RALGPS1: variants seen among roughly 807,000 people sequenced by gnomAD.
RALGPS1 encodes the protein Ral GEF with PH domain and SH3 binding motif 1.
RALGPS1 carries 19 observed loss-of-function variants against 78.8 expected under a neutral mutation model. The ratio of observed to expected loss-of-function variants is 0.24; its 90% confidence interval spans 0.17 to 0.35. RALGPS1 has a LOEUF of 0.35. Ranked by LOEUF, RALGPS1 falls within the 10% of genes least tolerant of loss-of-function variation. The pLI, the probability that RALGPS1 is intolerant of heterozygous loss-of-function variation, is 1.00. For synonymous variants in RALGPS1, 228 were observed against 256.3 expected, an observed-to-expected ratio of 0.89 and a Z score of 1.06; for missense variants, 454 against 688.3, an observed-to-expected ratio of 0.66 and a Z score of 3.81.
At chr9:127,022,415 C>T (rs1314553530) in intron 4 of RALGPS1, among the ~76,000 whole-genome samples, 1 of 152,066 alleles carries the variant, frequency 6.6e-6, no homozygotes, top group Non-Finnish European at 1.5e-5. Context: ...CTGCCGTGCT[C>T]TCCCTCATGG....
At chr9:126,969,970 G>T (rs2039946799) in intron 3 of RALGPS1, among the ~76,000 whole-genome samples, 1 of 152,182 alleles carries the variant, frequency 6.6e-6, no homozygotes, top group Admixed American at 6.5e-5. Context: ...AAGCACTGGA[G>T]TGCCTAGGTG....
intron 3 of RALGPS1, among the ~76,000 whole-genome samples, chr9:126,966,639 A>C (rs567289840): frequency 6.6e-6 from 1 of 151,956 alleles, no homozygotes; most frequent in African/African-American, 2.4e-5. Context: ...ATAGCCAAAC[A>C]TATTATTTAC....
At chr9:126,984,878 G>A (rs944666006) in intron 4 of RALGPS1, among the ~76,000 whole-genome samples, 2 of 152,250 alleles carry the variant, frequency 1.3e-5, no homozygotes, top group African/African-American at 2.4e-5. Context: ...TAATCTGGGT[G>A]AAGACTGCTT....
At chr9:127,047,717 A>G (rs1016457993) in intron 5 of RALGPS1, among the ~76,000 whole-genome samples, 6 of 151,652 alleles carry the variant, frequency 4.0e-5, no homozygotes, top group Admixed American at 2.6e-4. Context: ...AAAAAAAGGA[A>G]AAAAAGACTA....
chr9:126,967,203 C>T (rs11791212), intron 3 of RALGPS1, among the ~76,000 whole-genome samples: 57,426 of 151,892 alleles, frequency 0.38, 12,673 homozygotes, highest in Non-Finnish European at 0.48. Flanking sequence ...CATTTTAAAA[C>T]CTTCAAACTC....
chr9:127,216,192 T>C (rs1281045583), intron 18 of RALGPS1: 1 of 152,208 alleles, frequency 6.6e-6, no homozygotes, highest in African/African-American at 2.4e-5. Context: ...GTAACACAGA[T>C]GAGGACAAAT....
At chr9:126,974,332 G>A (rs2040403684) in intron 3 of RALGPS1, among the ~76,000 whole-genome samples, 1 of 152,160 alleles carries the variant, frequency 6.6e-6, no homozygotes, top group South Asian at 2.1e-4. Flanking sequence ...GTCAAAGCAG[G>A]AATAGATCTT....
At chr9:126,932,779 C>A (rs565455305) in intron 1 of RALGPS1, among the ~76,000 whole-genome samples, 1 of 151,726 alleles carries the variant, frequency 6.6e-6, no homozygotes, top group Non-Finnish European at 1.5e-5. Flanking sequence ...AACATTAGAA[C>A]ATATAATTAA....
At chr9:127,008,464 G>A (rs574787906) in intron 4 of RALGPS1, among the ~76,000 whole-genome samples, 1 of 145,220 alleles carries the variant, frequency 6.9e-6, no homozygotes, top group African/African-American at 2.4e-5. Flanking sequence ...TGGGGATTGG[G>A]ACCTCAGCAG....
In RALGPS1 at chr9:126,972,437, G is replaced by T. The variant is rs181665103; in HGVS notation, c.166-5258G>T. 4.8e-3 allele frequency among the ~76,000 whole-genome samples: 724 copies of T among 152,288 alleles called. 2 individuals carry two copies. The highest frequency in any genetic ancestry group is 8.0e-3 in the Non-Finnish European group (544 of 68,012). ...AATTATTCAGTTAAGAAAAGGAAAA[G>T]AAATGAAAGAATTGGAATATCATCA... On this transcript the variant is annotated intron_variant, in intron 3 of 18. Transcript: ENST00000259351.
At chr9:127,196,120 C>T (rs547382930) in intron 12 of RALGPS1, among the ~76,000 whole-genome samples, 62 of 152,366 alleles carry the variant, frequency 4.1e-4, no homozygotes, top group Admixed American at 3.9e-3. Context: ...GGTCTGGACC[C>T]GGTGCATGTG....
intron 1 of RALGPS1, among the ~76,000 whole-genome samples, chr9:126,954,591 A>G (rs2038171781): frequency 6.6e-6 from 1 of 152,192 alleles, no homozygotes; most frequent in South Asian, 2.1e-4. Context: ...GATCAACTCC[A>G]GCCTGGCCAA....
chr9:127,204,694 G>A (rs1405088193), intron 14 of RALGPS1, among the ~76,000 whole-genome samples: 1 of 152,154 alleles, frequency 6.6e-6, no homozygotes, highest in Non-Finnish European at 1.5e-5. Context: ...TCAGGGAGTT[G>A]GGTGATGCAG....
chr9:127,194,238 A>G (rs1310927177), intron 11 of RALGPS1, among the ~76,000 whole-genome samples: 2 of 152,244 alleles, frequency 1.3e-5, no homozygotes, highest in Admixed American at 1.3e-4. Context: ...AGGAAACTGC[A>G]GCTCAAGGGA....
intron 9 of RALGPS1, among the ~76,000 whole-genome samples, chr9:127,167,509 G>A (rs1325410352): frequency 6.6e-6 from 1 of 152,168 alleles, no homozygotes. Flanking sequence ...GTTTTCTCAT[G>A]CATGAAAATG....
intron 7 of RALGPS1, among the ~76,000 whole-genome samples, chr9:127,068,658 G>T (rs1056524463): frequency 6.6e-6 from 1 of 152,180 alleles, no homozygotes; most frequent in Non-Finnish European, 1.5e-5. Context: ...CTTTGCCCAG[G>T]AGAGAATTCA....
At chr9:127,028,341 T>C (rs948877579) in intron 4 of RALGPS1, among the ~76,000 whole-genome samples, 3 of 152,268 alleles carry the variant, frequency 2.0e-5, no homozygotes, top group African/African-American at 7.2e-5. Context: ...CCACTACCTG[T>C]GTGGTCTGGA....
chr9:127,020,264 CAGTT>C (rs1472128052), intron 4 of RALGPS1, among the ~76,000 whole-genome samples: 6 of 152,136 alleles, frequency 3.9e-5, no homozygotes, highest in Admixed American at 2.0e-4. Flanking sequence ...AGAAAAGTTT[CAGTT>C]AGTCAAAAAT....
intron 14 of RALGPS1, among the ~76,000 whole-genome samples, chr9:127,202,263 C>T (rs1485535155): frequency 6.6e-6 from 1 of 152,222 alleles, no homozygotes; most frequent in African/African-American, 2.4e-5. Context: ...AGCAGGCAGG[C>T]AGGAGTTTCT....
Sources: allele counts gnomAD v4.1 joint callset (sites outside exome capture counted in the v4.1 genomes callset), GRCh38; gene constraint gnomAD v4.1.1; transcripts MANE v1.5; gene names NCBI Gene and HGNC (gene_info 2026-07-23, HGNC 2026-07-21).